Variants in SENP7 observed in about 807,000 individuals in gnomAD.
The protein encoded by SENP7 is SUMO specific peptidase 7, also known as sentrin-specific protease 7.
SENP7 carries 64 observed loss-of-function variants against 141.2 expected under a neutral mutation model. The observed-to-expected ratio is 0.45, with a 90% CI of 0.37 to 0.56. SENP7 has a LOEUF of 0.56. Among genes scored for constraint, SENP7 ranks in the 20% least tolerant of loss-of-function variants. SENP7 has a pLI of 0.00. For missense variants in SENP7, 1,025 were observed against 1,212.2 expected, an observed-to-expected ratio of 0.85 and a Z score of 2.29; for synonymous variants, 382 against 426.4, an observed-to-expected ratio of 0.90 and a Z score of 1.28.
chr3:101,511,491 C>T (rs1453072265), intron 1 of SENP7, among the ~76,000 whole-genome samples: 1 of 152,132 alleles, frequency 6.6e-6, no homozygotes. Flanking sequence ...CCTAATGTGT[C>T]CATTTTACTT....
chr3:101,507,385 G>A (rs901484721), intron 1 of SENP7, among the ~76,000 whole-genome samples: 3 of 152,124 alleles, frequency 2.0e-5, no homozygotes, highest in African/African-American at 7.2e-5. Context: ...CACCACCAAG[G>A]TGTCAATCCC....
intron 11 of SENP7, chr3:101,357,253 A>T (rs1248432610): frequency 4.5e-6 from 2 of 441,176 alleles, no homozygotes; most frequent in Non-Finnish European, 8.6e-6. Context: ...CACCTACCTC[A>T]GCCTCCCAAA....
intron 3 of SENP7, among the ~76,000 whole-genome samples, chr3:101,490,467 G>A (rs1325802908): frequency 6.6e-6 from 1 of 152,144 alleles, no homozygotes; most frequent in African/African-American, 2.4e-5. Flanking sequence ...CCAGAATCAT[G>A]GTGGAGGTAC....
rs963060013 is a variant in SENP7, at chr3:101,457,447, C to A, written c.284+1508G>T. The A allele has an allele frequency of 5.6e-6, 9 of 1,595,758 alleles. No homozygotes were observed. In the South Asian group the frequency reaches 9.9e-5, roughly 18 times the overall value. Reference sequence around the variant, plus strand: ...AGCATTTCTGTCAGCTGCTTTGTCTCGGCATGGCCTGTAATGGTGAAAGTG... The same window carrying A: ...AGCATTTCTGTCAGCTGCTTTGTCTAGGCATGGCCTGTAATGGTGAAAGTG... On this transcript the variant is annotated intron_variant, in intron 4 of 23. Transcript: ENST00000394095.
intron 6 of SENP7, among the ~76,000 whole-genome samples, chr3:101,380,445 C>CCGACA (rs58844573): frequency 7.8e-6 from 1 of 128,826 alleles, no homozygotes; most frequent in Non-Finnish European, 1.7e-5. Context: ...GCCCCCCCCC[C>CCGACA]CACACACACA....
At chr3:101,332,163 A>G (rs1219094260) in intron 18 of SENP7, 54 bp from the exon 19 acceptor site, 1 of 1,545,556 alleles carries the variant, frequency 6.5e-7, no homozygotes, top group Admixed American at 1.8e-5. Context: ...ACAACATATA[A>G]TATATTCTAG....
At chr3:101,421,208 C>T (rs1169736263) in intron 4 of SENP7, among the ~76,000 whole-genome samples, 1 of 151,472 alleles carries the variant, frequency 6.6e-6, no homozygotes, top group Non-Finnish European at 1.5e-5. Flanking sequence ...AATGGTTCCC[C>T]AAAAAATGTA....
At chr3:101,471,704 C>T (rs1224321339) in intron 3 of SENP7, among the ~76,000 whole-genome samples, 26 of 152,046 alleles carry the variant, frequency 1.7e-4, no homozygotes, top group South Asian at 2.1e-4. Flanking sequence ...CTACCATCAG[C>T]GTGAACAGGC....
intron 4 of SENP7, among the ~76,000 whole-genome samples, chr3:101,438,569 TTA>T (rs1372979729): frequency 2.6e-5 from 4 of 152,172 alleles, no homozygotes; most frequent in African/African-American, 7.2e-5. Context: ...ATGATAAAAT[TTA>T]TGTTAAGTGT....
intron 15 of SENP7, among the ~76,000 whole-genome samples, chr3:101,341,348 G>A (rs115173812): frequency 0.018 from 2,702 of 152,176 alleles, 28 homozygotes; most frequent in Non-Finnish European, 0.026. Context: ...AAGGAATGTA[G>A]AATTTTTAAA....
chr3:101,417,184 A>G (rs899947911), intron 5 of SENP7, among the ~76,000 whole-genome samples: 1 of 152,140 alleles, frequency 6.6e-6, no homozygotes, highest in Admixed American at 6.5e-5. Flanking sequence ...TCTAGATTAG[A>G]TAACATTTTG....
chr3:101,445,308 G>T (rs986617600), intron 4 of SENP7, among the ~76,000 whole-genome samples: 1 of 152,112 alleles, frequency 6.6e-6, no homozygotes, highest in Non-Finnish European at 1.5e-5. Context: ...ATAACTGCTT[G>T]ACTGATGCTG....
intron 6 of SENP7, among the ~76,000 whole-genome samples, chr3:101,382,317 C>T (rs763005516): frequency 6.6e-6 from 1 of 152,006 alleles, no homozygotes; most frequent in Non-Finnish European, 1.5e-5. Context: ...GATAGGACTA[C>T]AGGCACACAG....
chr3:101,360,048 G>C (rs999836460), intron 11 of SENP7, among the ~76,000 whole-genome samples: 2 of 151,956 alleles, frequency 1.3e-5, no homozygotes, highest in Non-Finnish European at 2.9e-5. Flanking sequence ...AGAAATAACT[G>C]GGTAAACCTG....
chr3:101,465,137 A>G (rs78330516), intron 3 of SENP7, among the ~76,000 whole-genome samples: 2,067 of 152,026 alleles, frequency 0.014, 48 homozygotes, highest in African/African-American at 0.047. Context: ...CACACACACC[A>G]TTAGGGGGGT....
At chr3:101,361,688 A>C in intron 11 of SENP7, 27 bp downstream of exon 11, 1 of 1,511,636 alleles carries the variant, frequency 6.6e-7, no homozygotes, top group Non-Finnish European at 8.8e-7. Flanking sequence ...ATCCAAACTA[A>C]AAGAAAATTA....
At chr3:101,340,036 A>AT in intron 16 of SENP7, 59 bp downstream of exon 16, 1 of 1,474,882 alleles carries the variant, frequency 6.8e-7, no homozygotes, top group Non-Finnish European at 9.0e-7. Flanking sequence ...AAAGACATTT[A>AT]TTTTAAGTTT....
Position 101,366,774 on chromosome 3 carries a change from A to G in SENP7, c.979-5T>C. 1 of 1,533,244 alleles carries G rather than the reference A, an allele frequency of 6.5e-7. No individual in the cohort carries two copies. The highest frequency in any genetic ancestry group is 2.1e-5 in the Admixed American group (1 of 47,292). 95.0% of individuals were successfully genotyped at this position (1,533,244 alleles called of 1,614,324 possible). A position where few individuals can be genotyped will look rare whatever the true frequency, so the allele number is the denominator to read the frequency against. On this transcript the variant is annotated splice_region_variant and splice_polypyrimidine_tract_variant and intron_variant, in intron 8 of 23. Transcript: ENST00000394095. ...TGAGTCATCTTCTTGTTTTTTCTAA[A>G]CATAAACACATAGAAAAAAATAGCA... is the stretch of plus-strand genomic sequence containing the variant.
chr3:101,472,837 T>C (rs1387307723), intron 3 of SENP7, among the ~76,000 whole-genome samples: 4 of 151,998 alleles, frequency 2.6e-5, no homozygotes, highest in Non-Finnish European at 5.9e-5. Context: ...GGGGTTGTTA[T>C]ACAGAATATT....
Sources: allele counts gnomAD v4.1 joint callset (sites outside exome capture counted in the v4.1 genomes callset), GRCh38; gene constraint gnomAD v4.1.1; transcripts MANE v1.5; gene names NCBI Gene and HGNC (gene_info 2026-07-23, HGNC 2026-07-21).